IL1RAPL1: variants seen among roughly 807,000 people sequenced by gnomAD.
IL1RAPL1 encodes the protein interleukin-1 receptor accessory protein-like 1.
In IL1RAPL1, 3 loss-of-function variants were observed where a neutral mutation model predicts 48.4. The observed-to-expected ratio is 0.06, with a 90% CI of 0.03 to 0.16. The LOEUF is 0.16. IL1RAPL1 is among the 10% of genes least tolerant of loss of function. The probability of loss-of-function intolerance (pLI) is 1.00; values close to 1 mark genes in which losing one functional copy is unlikely to be tolerated. For synonymous variants in IL1RAPL1, 185 were observed against 187.7 expected, an observed-to-expected ratio of 0.99 and a Z score of 0.12; for missense variants, 349 against 530.6, an observed-to-expected ratio of 0.66 and a Z score of 3.36.
intron 2 of IL1RAPL1, among the ~76,000 whole-genome samples, chrX:29,102,613 C>T (rs1928364445): frequency 9.2e-6 from 1 of 108,624 alleles, no homozygotes; most frequent in Admixed American, 9.9e-5. Flanking sequence ...TTGCAGTGAG[C>T]CAAGATCATG....
At chrX:29,027,275 T>C (rs1926506612) in intron 2 of IL1RAPL1, among the ~76,000 whole-genome samples, 1 of 112,493 alleles carries the variant, frequency 8.9e-6, no homozygotes, top group African/African-American at 3.2e-5. Context: ...ATGTCACATA[T>C]TTAGAATCAT....
In IL1RAPL1 at chrX:29,696,500, G is replaced by GACACATATCTACCTGTCTAC. The variant is rs1926916505; in HGVS notation, c.778+27996_778+27997insACACATATCTACCTGTCTAC. On this transcript the variant is annotated intron_variant, in intron 6 of 10. Transcript: ENST00000378993. ...AAGTACACATATATCATCCATAACA[G>GACACATATCTACCTGTCTAC]CTCGGCAGACAGGTAGAATAAATGC... 2.7e-5 allele frequency among the ~76,000 whole-genome samples: 3 copies of GACACATATCTACCTGTCTAC among 111,791 alleles called. No individual in the cohort carries two copies. In the Admixed American group the frequency reaches 2.9e-4, roughly 11 times the overall value.
chrX:29,682,641 T>C (rs1926492497), intron 6 of IL1RAPL1, among the ~76,000 whole-genome samples: 1 of 112,599 alleles, frequency 8.9e-6, no homozygotes, highest in East Asian at 2.8e-4. Context: ...TGTACTATAA[T>C]GTTTTCATCT....
chrX:29,746,238 T>G (rs1178163443), intron 6 of IL1RAPL1, among the ~76,000 whole-genome samples: 1 of 112,094 alleles, frequency 8.9e-6, no homozygotes, highest in African/African-American at 3.2e-5. Context: ...GCTAAGAAAT[T>G]ATGATAATAA....
intron 6 of IL1RAPL1, among the ~76,000 whole-genome samples, chrX:29,843,803 C>G (rs1931190877): frequency 9.1e-6 from 1 of 109,806 alleles, no homozygotes; most frequent in Non-Finnish European, 1.9e-5. Flanking sequence ...GTGTGTCTCT[C>G]TCTCTCATCT....
chrX:29,216,004 A>G (rs1399982664), intron 2 of IL1RAPL1, among the ~76,000 whole-genome samples: 4 of 111,390 alleles, frequency 3.6e-5, no homozygotes, highest in African/African-American at 9.8e-5. Context: ...ATTAAATCCT[A>G]CATTCTCAAT....
chrX:29,242,679 A>G (rs1005471964), intron 2 of IL1RAPL1, among the ~76,000 whole-genome samples: 6 of 112,308 alleles, frequency 5.3e-5, no homozygotes. Context: ...AGTATAACGA[A>G]TAGCATTAAT....
At chrX:29,315,124 T>C (rs1308585419) in intron 3 of IL1RAPL1, among the ~76,000 whole-genome samples, 1 of 111,667 alleles carries the variant, frequency 9.0e-6, no homozygotes, top group African/African-American at 3.3e-5. Context: ...AGGAAAACTA[T>C]GTACAAAGGC....
At chrX:29,235,802 G>A (rs904699556) in intron 2 of IL1RAPL1, among the ~76,000 whole-genome samples, 43 of 112,358 alleles carry the variant, frequency 3.8e-4, no homozygotes, top group African/African-American at 1.3e-3. Context: ...GCATAAGGAA[G>A]TACATGTGCT....
At chrX:29,445,405 A>G (rs1312008735) in intron 5 of IL1RAPL1, among the ~76,000 whole-genome samples, 2 of 111,599 alleles carry the variant, frequency 1.8e-5, no homozygotes, top group South Asian at 3.8e-4. Context: ...CAGAAAATCA[A>G]TTGCTGAGTT....
chrX:28,883,565 G>A (rs958973863), intron 2 of IL1RAPL1, among the ~76,000 whole-genome samples: 5 of 112,159 alleles, frequency 4.5e-5, no homozygotes, highest in Non-Finnish European at 7.5e-5. Flanking sequence ...GAAGTAACAA[G>A]CCTAACCATG....
At chrX:29,707,355 C>T (rs1927227107) in intron 6 of IL1RAPL1, among the ~76,000 whole-genome samples, 1 of 111,921 alleles carries the variant, frequency 8.9e-6, no homozygotes. Context: ...TAAACTAGTA[C>T]AACCGCTATG....
rs149165790 is a variant in IL1RAPL1, at chrX:29,202,500, A to T, written c.83-80438A>T. Reference sequence around the variant, plus strand: ...GAATTATCATTTACCTAGCAGTCCCATTACTGAGTATATACCCAGAGGAAT... The same window carrying T: ...GAATTATCATTTACCTAGCAGTCCCTTTACTGAGTATATACCCAGAGGAAT... On this transcript the variant is annotated intron_variant, in intron 2 of 10. Transcript: ENST00000378993. Among the ~76,000 whole-genome samples, 858 of 112,052 alleles carry T rather than the reference A, an allele frequency of 7.7e-3. 9 individuals carry two copies. Among genetic ancestry groups the T allele is most frequent in the African/African-American group, 0.027 (819 of 30,855 alleles).
intron 5 of IL1RAPL1, among the ~76,000 whole-genome samples, chrX:29,435,598 T>C: frequency 9.0e-6 from 1 of 111,010 alleles, no homozygotes; most frequent in Middle Eastern, 4.6e-3. Flanking sequence ...AATGCATTTG[T>C]GGTTTTATTA....
At chrX:28,859,742 A>G (rs1333599164) in intron 2 of IL1RAPL1, among the ~76,000 whole-genome samples, 1 of 108,203 alleles carries the variant, frequency 9.2e-6, no homozygotes, top group East Asian at 2.9e-4. Flanking sequence ...ACAATAATAT[A>G]TAATTGTGTA....
intron 10 of IL1RAPL1, 131 bp from the exon 11 acceptor site, chrX:29,954,971 A>G (rs1179775284): frequency 5.0e-6 from 3 of 600,536 alleles, no homozygotes; most frequent in Non-Finnish European, 8.4e-6. Flanking sequence ...TATTGCTGAC[A>G]TTAGGAGAAG....
chrX:29,363,078 A>G (rs1225033831), intron 3 of IL1RAPL1, among the ~76,000 whole-genome samples: 9 of 111,720 alleles, frequency 8.1e-5, no homozygotes, highest in Non-Finnish European at 1.7e-4. Flanking sequence ...GTCTGGTTCC[A>G]GAGGGTGTGT....
At chrX:29,885,362 TTGTC>T (rs1932131394) in intron 6 of IL1RAPL1, among the ~76,000 whole-genome samples, 1 of 112,041 alleles carries the variant, frequency 8.9e-6, no homozygotes, top group Non-Finnish European at 1.9e-5. Context: ...TATCTAACTT[TTGTC>T]TGTCTGTCTA....
chrX:28,965,059 C>A (rs755088069), intron 2 of IL1RAPL1, among the ~76,000 whole-genome samples: 1 of 111,309 alleles, frequency 9.0e-6, no homozygotes, highest in South Asian at 3.7e-4. Context: ...AGCTCAATCT[C>A]ATATTACATT....
Sources: allele counts gnomAD v4.1 joint callset (sites outside exome capture counted in the v4.1 genomes callset), GRCh38; gene constraint gnomAD v4.1.1; transcripts MANE v1.5; gene names NCBI Gene and HGNC (gene_info 2026-07-23, HGNC 2026-07-21).